The following LASP1 variants were observed in gnomAD, a reference collection of about 807,000 sequenced individuals.
LASP1 encodes LIM and SH3 domain protein 1.
LASP1 carries 10 observed loss-of-function variants against 38.6 expected under a neutral mutation model. The ratio of observed to expected loss-of-function variants is 0.26; its 90% CI spans 0.16 to 0.44. The LOEUF (loss-of-function observed/expected upper bound fraction) is 0.44, where lower values mean the gene tolerates loss of function less well. LASP1 is among the 20% of genes least tolerant of loss of function. The pLI, the probability that LASP1 is intolerant of heterozygous loss-of-function variation, is 1.00. For missense variants in LASP1, 243 were observed against 375.7 expected (o/e 0.65, Z 2.92); for synonymous variants, 132 against 140.8 (o/e 0.94, Z 0.44).
rs1567705668 is a variant in LASP1 at position 38,914,401 on chromosome 17, ATTC to A, written c.435_437del (p.Asp145_Ser146delinsGlu). The A allele has an allele frequency of 6.2e-7, 1 of 1,612,036 alleles. No individual in the cohort carries two copies. The highest frequency in any genetic ancestry group is 2.2e-5 in the East Asian group (1 of 44,868). On this transcript the variant is annotated inframe_deletion, in exon 5 of 7. Coordinates refer to ENST00000318008, the MANE Select transcript of LASP1 (RefSeq NM_006148.4). The stretch of plus-strand genomic sequence containing the variant: ...GAGGGCATGGAGCCAGAGCGTCGGG[ATTC>A]ACAGGACGGCAGCAGCTACCGGCGG...
At chr17:38,891,302 G>A (rs903172415) in intron 3 of LASP1, among the ~76,000 whole-genome samples, 4 of 152,060 alleles carry the variant, frequency 2.6e-5, no homozygotes, top group Admixed American at 6.5e-5. Flanking sequence ...ACTCAGGATC[G>A]GGAGAAGACT....
intron 2 of LASP1, among the ~76,000 whole-genome samples, chr17:38,888,433 G>A (rs1285312711): frequency 2.6e-5 from 4 of 151,950 alleles, no homozygotes; most frequent in African/African-American, 7.3e-5. Context: ...ATGCGCCACG[G>A]TGCCCGGCTA....
intron 2 of LASP1, among the ~76,000 whole-genome samples, chr17:38,889,575 A>G (rs999841193): frequency 1.3e-5 from 2 of 152,232 alleles, no homozygotes; most frequent in South Asian, 4.1e-4. Flanking sequence ...TCATAGGTCA[A>G]AAAGCAGTCA....
Position 38,919,697 on chromosome 17 carries a change from G to C in LASP1, c.*919G>C, listed in dbSNP as rs530159168. Reference sequence around the variant, plus strand: ...CCCCCAGGATCTGGGTTAGGTGGCCGCTCCTCCCTGCTCCTCATGGGAAGA... The same window carrying C: ...CCCCCAGGATCTGGGTTAGGTGGCCCCTCCTCCCTGCTCCTCATGGGAAGA... On this transcript the variant is annotated 3_prime_UTR_variant, in exon 7 of 7. Transcript: ENST00000318008. 11 of 354,884 alleles carry C rather than the reference G, an allele frequency of 3.1e-5. No individual in the cohort carries two copies. Among genetic ancestry groups the C allele is most frequent in the South Asian group, 2.2e-4 (6 of 27,520 alleles). 22.0% of individuals were successfully genotyped at this position (354,884 alleles called of 1,614,324 possible).
chr17:38,899,298 C>T, intron 4 of LASP1: 2 of 163,200 alleles, frequency 1.2e-5, no homozygotes, highest in East Asian at 1.7e-4. Context: ...GGAGGTCCTG[C>T]CAGGGAGGGT....
chr17:38,898,368 C>T (rs1039884749), intron 3 of LASP1, 44 bp from the exon 4 acceptor site: 13 of 1,442,700 alleles, frequency 9.0e-6, no homozygotes, highest in African/African-American at 2.8e-5. Context: ...GAGGCCCTTT[C>T]GGCTCCTGGC....
chr17:38,891,833 G>A (rs932924327), intron 3 of LASP1, among the ~76,000 whole-genome samples: 4 of 152,176 alleles, frequency 2.6e-5, no homozygotes, highest in Admixed American at 2.0e-4. Context: ...CATGGCTCAC[G>A]CCTGTAATCC....
chr17:38,900,990 T>G (rs1567701343), intron 4 of LASP1, among the ~76,000 whole-genome samples: 1 of 152,244 alleles, frequency 6.6e-6, no homozygotes, highest in Non-Finnish European at 1.5e-5. Flanking sequence ...GAAGATGGTC[T>G]TAGATTATGG....
chr17:38,882,001 C>T (rs1050990523), intron 2 of LASP1, among the ~76,000 whole-genome samples: 2 of 152,242 alleles, frequency 1.3e-5, no homozygotes, highest in African/African-American at 2.4e-5. Flanking sequence ...TAGGCCAGAG[C>T]TCACTGCCAG....
At chr17:38,884,177 C>T (rs1453697752) in intron 2 of LASP1, among the ~76,000 whole-genome samples, 2 of 151,942 alleles carry the variant, frequency 1.3e-5, no homozygotes, top group Admixed American at 6.6e-5. Context: ...CTTTCGGGTT[C>T]GCTATCCTGT....
At chr17:38,870,598 A>C (rs974439478) in intron 1 of LASP1, among the ~76,000 whole-genome samples, 5 of 147,600 alleles carry the variant, frequency 3.4e-5, no homozygotes, top group African/African-American at 1.2e-4. Flanking sequence ...CGGCCTGGAG[A>C]GTGAGAAGAG....
intron 4 of LASP1, among the ~76,000 whole-genome samples, chr17:38,907,626 G>C (rs1206882004): frequency 6.6e-6 from 1 of 152,216 alleles, no homozygotes; most frequent in Admixed American, 6.5e-5. Flanking sequence ...TGGTCAAGCT[G>C]TGTGAAGAGC....
At chr17:38,888,621 T>C (rs1914215099) in intron 2 of LASP1, among the ~76,000 whole-genome samples, 1 of 152,236 alleles carries the variant, frequency 6.6e-6, no homozygotes, top group African/African-American at 2.4e-5. Flanking sequence ...CATCGCCTAC[T>C]ATTCTAGGAA....
intron 3 of LASP1, among the ~76,000 whole-genome samples, chr17:38,895,313 C>G (rs925158903): frequency 6.6e-6 from 1 of 151,100 alleles, no homozygotes; most frequent in African/African-American, 2.4e-5. Flanking sequence ...TTTTTTAAGT[C>G]CAGCCTAATT....
chr17:38,906,791 A>T (rs1227632934), intron 4 of LASP1, among the ~76,000 whole-genome samples: 2 of 152,162 alleles, frequency 1.3e-5, no homozygotes, highest in Non-Finnish European at 2.9e-5. Flanking sequence ...CTAACTTGTC[A>T]TCCTGGAGTC....
chr17:38,885,932 C>A (rs1914112393), intron 2 of LASP1, among the ~76,000 whole-genome samples: 1 of 152,072 alleles, frequency 6.6e-6, no homozygotes, highest in South Asian at 2.1e-4. Context: ...CATGCCTTTG[C>A]TTCTAGAAAC....
chr17:38,873,370 C>T (rs1913664836), intron 1 of LASP1, among the ~76,000 whole-genome samples: 1 of 152,192 alleles, frequency 6.6e-6, no homozygotes, highest in Admixed American at 6.5e-5. Flanking sequence ...TCAGTCTTCA[C>T]AGCAGCCTCA....
At chr17:38,884,189 C>T (rs1914039609) in intron 2 of LASP1, among the ~76,000 whole-genome samples, 2 of 151,896 alleles carry the variant, frequency 1.3e-5, no homozygotes, top group Non-Finnish European at 2.9e-5. Flanking sequence ...CTATCCTGTT[C>T]TTCTGACCCT....
At chr17:38,870,576 T>C (rs551806073) in intron 1 of LASP1, among the ~76,000 whole-genome samples, 3 of 150,380 alleles carry the variant, frequency 2.0e-5, no homozygotes, top group African/African-American at 7.3e-5. Context: ...AGGGGTGCAG[T>C]CCCGCCCCCT....
Sources: allele counts gnomAD v4.1 joint callset (sites outside exome capture counted in the v4.1 genomes callset), GRCh38; gene constraint gnomAD v4.1.1; transcripts MANE v1.5; gene names NCBI Gene and HGNC (gene_info 2026-07-23, HGNC 2026-07-21).